ANKRD60: variants seen among roughly 807,000 people sequenced by gnomAD.
The protein encoded by ANKRD60 is ankyrin repeat domain-containing protein 60.
In ANKRD60, 24 loss-of-function variants were observed where a neutral mutation model predicts 21.3. The ratio of observed to expected loss-of-function variants is 1.13; its 90% CI spans 0.82 to 1.59. ANKRD60 has a LOEUF of 1.59. Ranked by LOEUF, ANKRD60 falls within the 40% of genes most tolerant of loss-of-function variation. The probability of loss-of-function intolerance (pLI) is 0.00; values close to 1 mark genes in which losing one functional copy is unlikely to be tolerated. For synonymous variants in ANKRD60, 182 were observed against 199.4 expected (o/e 0.91, Z 0.74); for missense variants, 490 against 466.7 (o/e 1.05, Z -0.46).
chr20:58,228,607 GCCCCCGCCGCCGC>G lies in ANKRD60; in HGVS notation c.34_46del (p.Ala12ArgfsTer101). 1.0e-6 allele frequency: 1 copy of G among 1,000,414 alleles called. No homozygotes were observed. Among genetic ancestry groups the G allele is most frequent in the Non-Finnish European group, 1.2e-6 (1 of 834,764 alleles). The allele number at this position is 1,000,414 out of a possible 1,614,324, so 62.0% of individuals were successfully genotyped here. ...TGGCCCCGCCGCCCGCGCTCCGCCC[GCCCCCGCCGCCGC>G]CCGCCGCATCCCCCAGGCGCGGCCG... On this transcript the variant is annotated frameshift_variant, in exon 1 of 4. Coordinates refer to ENST00000457363, the Ensembl canonical transcript of ANKRD60. LOFTEE classifies it high-confidence loss of function. This position sits in a 1 kb window ranked among gnomAD's most constrained non-coding sequence, Gnocchi z 5.3.
intron 1 of ANKRD60, among the ~76,000 whole-genome samples, chr20:58,224,102 C>CAA (rs202188392): frequency 1.6e-4 from 21 of 130,822 alleles, no homozygotes; most frequent in African/African-American, 5.6e-4. Flanking sequence ...ACCCTGTCTC[C>CAA]AAAAAAAAAA....
intron 2 of ANKRD60, among the ~76,000 whole-genome samples, chr20:58,222,715 T>C (rs1028604815): frequency 1.3e-5 from 2 of 152,234 alleles, no homozygotes; most frequent in Admixed American, 1.3e-4. Flanking sequence ...TGTACGCTTC[T>C]CAGTTATCTG....
At chr20:58,226,547 G>T (rs1290250879) in intron 1 of ANKRD60, among the ~76,000 whole-genome samples, 2 of 152,098 alleles carry the variant, frequency 1.3e-5, no homozygotes, top group Non-Finnish European at 2.9e-5. Flanking sequence ...TTGAGTTTTG[G>T]GGTACTCATG....
Position 58,228,525 on chromosome 20 carries a change from G to C in ANKRD60, c.129C>G (p.Ala43=). Reference sequence around the variant, plus strand: ...TGGGCCCGCCGCACCCCTGAGCCCCGGCCCGCGCACCGCTCCTGCGTCCCG... The same window carrying C: ...TGGGCCCGCCGCACCCCTGAGCCCCCGCCCGCGCACCGCTCCTGCGTCCCG... Residue 43 remains alanine (A), a synonymous_variant, in exon 1 of 4, where the codon GCC becomes GCG. Transcript: ENST00000457363. This position sits in a 1 kb window ranked among gnomAD's most constrained non-coding sequence, Gnocchi z 5.3. 7.4e-7 allele frequency: 1 copy of C among 1,350,072 alleles called. No individual in the cohort carries two copies. Among genetic ancestry groups the C allele is most frequent in the Non-Finnish European group, 9.5e-7 (1 of 1,056,150 alleles). The allele number at this position is 1,350,072 out of a possible 1,614,324, so 83.6% of individuals were successfully genotyped here.
intron 2 of ANKRD60, 81 bp downstream of exon 2, chr20:58,222,971 C>T (rs756708897): frequency 6.2e-5 from 89 of 1,426,282 alleles, no homozygotes; most frequent in Admixed American, 3.1e-4. Context: ...TTCACATATC[C>T]GTATTAAAGA....
Position 58,218,808 on chromosome 20 carries a change from G to A in ANKRD60, c.728-3C>T. On this transcript the variant is annotated splice_polypyrimidine_tract_variant and splice_region_variant and intron_variant, in intron 3 of 3. Coordinates refer to ENST00000457363, the Ensembl canonical transcript of ANKRD60. Reference sequence around the variant, plus strand: ...GGATCTGCTGAGGCAGCTGGCTCCTGTAAAATAAGAACATTGGCCAGAAGG... The same window carrying A: ...GGATCTGCTGAGGCAGCTGGCTCCTATAAAATAAGAACATTGGCCAGAAGG... 3 of 1,528,564 alleles carry A rather than the reference G, an allele frequency of 2.0e-6. No homozygotes were observed. Among genetic ancestry groups the A allele is most frequent in the South Asian group, 1.2e-5 (1 of 81,176 alleles). The allele number at this position is 1,528,564 out of a possible 1,614,324, so 94.7% of individuals were successfully genotyped here.
intron 1 of ANKRD60, 23 bp from the exon 2 acceptor site, chr20:58,223,205 T>C (rs1984298744): frequency 6.5e-7 from 1 of 1,531,998 alleles, no homozygotes; most frequent in African/African-American, 1.4e-5. Context: ...ATTTTTTTTC[T>C]TTTAAAAAAT....
chr20:58,217,989 C>T (rs2122799224), downstream of ANKRD60, among the ~76,000 whole-genome samples: 1 of 152,234 alleles, frequency 6.6e-6, no homozygotes, highest in East Asian at 1.9e-4. Context: ...AAGAAGCAGA[C>T]CCCTCAAAGA....
At chr20:58,220,571 T>C (rs1480249366) in intron 3 of ANKRD60, among the ~76,000 whole-genome samples, 1 of 150,132 alleles carries the variant, frequency 6.7e-6, no homozygotes, top group Non-Finnish European at 1.5e-5. Flanking sequence ...GAGTTCAGCA[T>C]GAATGTCTTG....
chr20:58,226,960 C>T (rs983646289), intron 1 of ANKRD60, among the ~76,000 whole-genome samples: 1 of 151,954 alleles, frequency 6.6e-6, no homozygotes. Context: ...AGGGTCATGA[C>T]GTGGGTAGAG....
In ANKRD60 at chr20:58,228,191, T is replaced by G; in HGVS notation, c.430+33A>C. On this transcript the variant is annotated intron_variant, in intron 1 of 3. Coordinates refer to ENST00000457363, the Ensembl canonical transcript of ANKRD60. This position sits in a 1 kb window ranked among gnomAD's most constrained non-coding sequence, Gnocchi z 5.3. The stretch of plus-strand genomic sequence containing the variant: ...CAGAAGTGGACAGGGTGCCCTTGCA[T>G]GTGGCCAGGGAAGGAGTCAGGGCAG... The G allele has an allele frequency of 6.6e-7, 1 of 1,514,982 alleles. No individual in the cohort carries two copies. The highest frequency in any genetic ancestry group is 8.9e-7 in the Non-Finnish European group (1 of 1,123,326). 93.8% of individuals were successfully genotyped at this position (1,514,982 alleles called of 1,614,324 possible).
Position 58,218,754 on chromosome 20 carries a change from GC to G in ANKRD60, c.778del (p.Ala260LeufsTer10), listed in dbSNP as rs1391747390. 1.9e-6 allele frequency: 3 copies of G among 1,551,194 alleles called. No individual in the cohort carries two copies. The highest frequency in any genetic ancestry group is 2.7e-5 in the African/African-American group (2 of 73,064). ...ACAGTCTGACCGGCCCATAGCTGCA[GC>G]CACATGCAGGGGTGTCCTGCCCAGG... On this transcript the variant is annotated frameshift_variant, in exon 4 of 4. Coordinates refer to ENST00000457363, the Ensembl canonical transcript of ANKRD60. LOFTEE classifies it low-confidence loss of function (END_TRUNC).
At chr20:58,220,216 C>T (rs1984218294) in intron 3 of ANKRD60, among the ~76,000 whole-genome samples, 1 of 152,188 alleles carries the variant, frequency 6.6e-6, no homozygotes, top group Non-Finnish European at 1.5e-5. Flanking sequence ...GACCAAACAC[C>T]ACGTAACATG....
rs1898261847 is a variant in ANKRD60 at position 58,228,154 on chromosome 20, G to A, written c.430+70C>T. 1 of 1,397,546 alleles carries A rather than the reference G, an allele frequency of 7.2e-7. No homozygotes were observed. Among genetic ancestry groups the A allele is most frequent in the South Asian group, 1.4e-5 (1 of 69,874 alleles). The allele number at this position is 1,397,546 out of a possible 1,614,324, so 86.6% of individuals were successfully genotyped here. A position where few individuals can be genotyped will look rare whatever the true frequency, so the allele number is the denominator to read the frequency against. ...TTCTCACGTAAGCAGGCTTCCCTTT[G>A]GGAATCCACTTCAGAAGTGGACAGG... On this transcript the variant is annotated intron_variant, in intron 1 of 3. Transcript: ENST00000457363. The surrounding 1 kb of genome is among the most constrained non-coding windows in gnomAD (Gnocchi z 5.3).
At chr20:58,222,567 C>A (rs1371299532) in intron 2 of ANKRD60, among the ~76,000 whole-genome samples, 1 of 152,196 alleles carries the variant, frequency 6.6e-6, no homozygotes, top group Non-Finnish European at 1.5e-5. Context: ...CACTGCCCAC[C>A]CCTAGAGCCC....
intron 1 of ANKRD60, among the ~76,000 whole-genome samples, chr20:58,227,037 G>A (rs948647837): frequency 1.3e-5 from 2 of 152,160 alleles, no homozygotes; most frequent in Non-Finnish European, 2.9e-5. Context: ...TGAAACATGG[G>A]CAGAAGTTGC....
Position 58,228,161 on chromosome 20 carries a change from C to A in ANKRD60, c.430+63G>T. The A allele has an allele frequency of 7.0e-7, 1 of 1,427,818 alleles. No homozygotes were observed. Among genetic ancestry groups the A allele is most frequent in the South Asian group, 1.4e-5 (1 of 70,950 alleles). 88.4% of individuals were successfully genotyped at this position (1,427,818 alleles called of 1,614,324 possible). On this transcript the variant is annotated intron_variant, in intron 1 of 3. Coordinates refer to ENST00000457363, the Ensembl canonical transcript of ANKRD60. This position sits in a 1 kb window ranked among gnomAD's most constrained non-coding sequence, Gnocchi z 5.3. ...GTAAGCAGGCTTCCCTTTGGGAATC[C>A]ACTTCAGAAGTGGACAGGGTGCCCT...
In ANKRD60 at chr20:58,228,208, T is replaced by G; in HGVS notation, c.430+16A>C. 1 of 1,535,550 alleles carries G rather than the reference T, an allele frequency of 6.5e-7. No individual in the cohort carries two copies. The highest frequency in any genetic ancestry group is 1.2e-5 in the South Asian group (1 of 81,884). On this transcript the variant is annotated intron_variant, in intron 1 of 3. Transcript: ENST00000457363. The surrounding 1 kb of genome is among the most constrained non-coding windows in gnomAD (Gnocchi z 5.3). ...CCCTTGCATGTGGCCAGGGAAGGAG[T>G]CAGGGCAGGAGCCACCTTCGTCGAG...
At position 58,228,259 on chromosome 20, in the gene ANKRD60, G is replaced by C. The variant is rs1398654450; in HGVS notation, c.395C>G (p.Pro132Arg). The change falls in exon 1 of 4, where the codon CCC becomes CGC. Residue 132 changes from proline (P) to arginine (R), a missense_variant. Pro to Arg is a moderately radical substitution (Grantham distance 103, BLOSUM62 -2). Transcript: ENST00000457363. The surrounding 1 kb of genome is among the most constrained non-coding windows in gnomAD (Gnocchi z 5.3). ...GTACTGGAGCCGCTGGAGGTTGAAG[G>C]GGATGCCGACCATCAGGTCCAGCTC... The C allele has an allele frequency of 2.6e-6, 4 of 1,551,072 alleles. No individual in the cohort carries two copies. The Admixed American group carries it at 7.9e-5, about 30-fold the overall frequency.
Sources: gnomAD v4.1 joint callset for allele counts (sites outside exome capture counted in the v4.1 genomes callset) on GRCh38, gnomAD v4.1.1 for gene constraint, Gnocchi (gnomAD v3.1) non-coding constraint, MANE v1.5 for transcripts, NCBI Gene and HGNC (gene_info 2026-07-23, HGNC 2026-07-21) for gene names.